The following POU2F1 variants were observed in gnomAD, a reference collection of about 807,000 sequenced individuals.
POU2F1 encodes POU domain, class 2, transcription factor 1.
POU2F1 carries 16 observed loss-of-function variants against 84.9 expected under a neutral mutation model. The observed-to-expected ratio is 0.19, with a 90% CI of 0.13 to 0.29. The LOEUF (loss-of-function observed/expected upper bound fraction) is 0.29, where lower values mean the gene tolerates loss of function less well. Among genes scored for constraint, POU2F1 ranks in the 10% least tolerant of loss-of-function variants. The pLI is 1.00. For missense variants in POU2F1, 738 were observed against 942.6 expected (o/e 0.78, Z 2.84); for synonymous variants, 368 against 368.3 (o/e 1.00, Z 0.01).
At chr1:167,363,882 T>C (rs1390108545) in intron 2 of POU2F1, among the ~76,000 whole-genome samples, 1 of 152,236 alleles carries the variant, frequency 6.6e-6, no homozygotes, top group African/African-American at 2.4e-5. Context: ...TTAGGATGTG[T>C]ATATTGGCAG....
intron 1 of POU2F1, among the ~76,000 whole-genome samples, chr1:167,251,999 C>T (rs1280443326): frequency 6.7e-6 from 1 of 149,014 alleles, no homozygotes; most frequent in African/African-American, 2.5e-5. Flanking sequence ...TGCATGCCAC[C>T]ATGCTTGGCT....
At chr1:167,399,405 TTTTTGCAA>T (rs1432706134) in intron 12 of POU2F1, 40 bp downstream of exon 12, 2 of 1,535,010 alleles carry the variant, frequency 1.3e-6, no homozygotes, top group East Asian at 2.3e-5. Context: ...CAAGGGCTAA[TTTTTGCAA>T]TTTTACAAAT....
intron 2 of POU2F1, among the ~76,000 whole-genome samples, chr1:167,353,705 C>T (rs576462758): frequency 7.2e-4 from 109 of 151,822 alleles, no homozygotes; most frequent in African/African-American, 2.5e-3. Flanking sequence ...AATTTTGTTG[C>T]ACTTTTTTTT....
chr1:167,374,080 T>C, intron 5 of POU2F1, 28 bp from the exon 6 acceptor site: 1 of 1,612,150 alleles, frequency 6.2e-7, no homozygotes, highest in Non-Finnish European at 8.5e-7. Flanking sequence ...TTCAACACTT[T>C]CCCATAATGT....
At chr1:167,371,199 A>G (rs1164648722) in intron 4 of POU2F1, among the ~76,000 whole-genome samples, 1 of 152,224 alleles carries the variant, frequency 6.6e-6, no homozygotes, top group African/African-American at 2.4e-5. Flanking sequence ...GATGTTGGCA[A>G]ACAGGCTGTA....
chr1:167,410,616 A>G (rs1649892828), intron 13 of POU2F1, among the ~76,000 whole-genome samples: 1 of 152,050 alleles, frequency 6.6e-6, no homozygotes, highest in Non-Finnish European at 1.5e-5. Context: ...CTTGGGCTCA[A>G]GCAGTTCTCC....
chr1:167,317,196 A>G (rs1246528744), intron 1 of POU2F1, among the ~76,000 whole-genome samples: 1 of 152,028 alleles, frequency 6.6e-6, no homozygotes, highest in African/African-American at 2.4e-5. Context: ...CCTGGCTAGA[A>G]CTCTAATACT....
At chr1:167,258,029 A>G (rs1005835944) in intron 1 of POU2F1, 6 of 152,116 alleles carry the variant, frequency 3.9e-5, no homozygotes, top group African/African-American at 1.2e-4. Flanking sequence ...CCATTTTACA[A>G]AAGAGGAGTC....
intron 4 of POU2F1, 118 bp downstream of exon 4, chr1:167,370,332 G>T: frequency 1.4e-6 from 1 of 705,436 alleles, no homozygotes. Flanking sequence ...TTCAAAATTA[G>T]TGAATCTCGT....
chr1:167,409,840 T>C (rs1649832568), intron 13 of POU2F1, among the ~76,000 whole-genome samples: 1 of 152,216 alleles, frequency 6.6e-6, no homozygotes, highest in African/African-American at 2.4e-5. Flanking sequence ...AGGGAAGTAG[T>C]ACCCATAGGT....
chr1:167,298,763 A>T (rs1654454925), intron 1 of POU2F1, among the ~76,000 whole-genome samples: 1 of 152,198 alleles, frequency 6.6e-6, no homozygotes, highest in South Asian at 2.1e-4. Context: ...TTAACAGCAT[A>T]TGCCATGTTC....
At chr1:167,236,579 G>A (rs1166815742) in intron 1 of POU2F1, among the ~76,000 whole-genome samples, 1 of 152,014 alleles carries the variant, frequency 6.6e-6, no homozygotes, top group Admixed American at 6.6e-5. Flanking sequence ...CTTTCGACGT[G>A]TGCCTGCCCC....
At chr1:167,274,214 C>A (rs1443899320) in intron 1 of POU2F1, among the ~76,000 whole-genome samples, 1 of 152,120 alleles carries the variant, frequency 6.6e-6, no homozygotes, top group Non-Finnish European at 1.5e-5. Flanking sequence ...CCTCCTTTCC[C>A]TTAATTATTA....
intron 1 of POU2F1, among the ~76,000 whole-genome samples, chr1:167,270,386 G>C (rs540223246): frequency 3.3e-5 from 5 of 151,970 alleles, no homozygotes; most frequent in African/African-American, 1.2e-4. Flanking sequence ...TGTTTTTTTG[G>C]GTACAGCAGT....
chr1:167,314,419 C>G (rs778860100), intron 1 of POU2F1, among the ~76,000 whole-genome samples: 4 of 152,178 alleles, frequency 2.6e-5, no homozygotes, highest in Non-Finnish European at 4.4e-5. Context: ...AAGCAGATCT[C>G]TCACATTGTT....
intron 1 of POU2F1, among the ~76,000 whole-genome samples, chr1:167,274,864 A>G (rs959485975): frequency 3.3e-5 from 5 of 152,076 alleles, no homozygotes; most frequent in African/African-American, 4.8e-5. Context: ...AAAAATAATG[A>G]CAACCCTCTC....
intron 3 of POU2F1, among the ~76,000 whole-genome samples, chr1:167,368,292 G>A (rs1476552717): frequency 2.0e-5 from 3 of 150,952 alleles, no homozygotes; most frequent in Non-Finnish European, 4.4e-5. Context: ...CTGAACCCAA[G>A]TTATGCATTT....
At chr1:167,397,868 T>G in intron 10 of POU2F1, 126 bp from the exon 11 acceptor site, 2 of 984,438 alleles carry the variant, frequency 2.0e-6, no homozygotes, top group East Asian at 2.7e-5. Context: ...GTAATGTAGG[T>G]TATGTGAAAA....
chr1:167,307,340 A>G (rs561985716), intron 1 of POU2F1, among the ~76,000 whole-genome samples: 1 of 152,266 alleles, frequency 6.6e-6, no homozygotes, highest in East Asian at 1.9e-4. Context: ...TTGTTGCAAG[A>G]GCAATCTGAC....
Sources: allele counts gnomAD v4.1 joint callset (sites outside exome capture counted in the v4.1 genomes callset), GRCh38; gene constraint gnomAD v4.1.1; transcripts MANE v1.5; gene names NCBI Gene and HGNC (gene_info 2026-07-23, HGNC 2026-07-21).